RBFOX1: variants seen among roughly 807,000 people sequenced by gnomAD.
The protein encoded by RBFOX1 is RNA binding protein fox-1 homolog 1.
In RBFOX1, 8 loss-of-function variants were observed where a neutral mutation model predicts 57.7. That is an observed-to-expected ratio of 0.14 (90% CI 0.08 to 0.25). The LOEUF is 0.25. RBFOX1 is among the 10% of genes least tolerant of loss of function. The pLI, the probability that RBFOX1 is intolerant of heterozygous loss-of-function variation, is 1.00. For missense variants in RBFOX1, 611 were observed against 548.5 expected (o/e 1.11, Z -1.14); for synonymous variants, 326 against 222.4 (o/e 1.47, Z -4.15).
intron 11 of RBFOX1, among the ~76,000 whole-genome samples, chr16:7,647,362 CT>C (rs1302381713): frequency 6.6e-6 from 1 of 152,136 alleles, no homozygotes; most frequent in Non-Finnish European, 1.5e-5. Flanking sequence ...AGATTTTTCT[CT>C]TTGATTCATG....
chr16:5,654,708 C>T (rs1278288584), intron 3 of RBFOX1, among the ~76,000 whole-genome samples: 3 of 152,172 alleles, frequency 2.0e-5, no homozygotes, highest in South Asian at 2.1e-4. Context: ...GTGGATCCTA[C>T]TGCCTGGTGT....
intron 3 of RBFOX1, among the ~76,000 whole-genome samples, chr16:6,750,204 A>C (rs1026323243): frequency 5.3e-5 from 8 of 152,322 alleles, no homozygotes; most frequent in Admixed American, 3.9e-4. Flanking sequence ...AGCAAAACCT[A>C]TTGAATTGTG....
At chr16:5,856,578 T>TATATGTATATGTAC (rs2057073287) in intron 3 of RBFOX1, among the ~76,000 whole-genome samples, 1 of 56,680 alleles carries the variant, frequency 1.8e-5, no homozygotes, top group African/African-American at 5.0e-5. Context: ...TGTGTGTGTA[T>TATATGTATATGTAC]ATATATATAT....
intron 1 of RBFOX1, among the ~76,000 whole-genome samples, chr16:6,205,854 G>C (rs1479861848): frequency 2.3e-5 from 3 of 129,694 alleles, no homozygotes; most frequent in Non-Finnish European, 4.7e-5. Flanking sequence ...AAGAGCCTAC[G>C]AGATCATACT....
chr16:6,693,995 A>T (rs995166201), intron 3 of RBFOX1, among the ~76,000 whole-genome samples: 1 of 152,244 alleles, frequency 6.6e-6, no homozygotes, highest in Non-Finnish European at 1.5e-5. Flanking sequence ...TATAAAGATT[A>T]CTTTGTTACA....
chr16:6,501,747 G>T (rs1276072911), intron 2 of RBFOX1, among the ~76,000 whole-genome samples: 4 of 152,052 alleles, frequency 2.6e-5, no homozygotes, highest in Non-Finnish European at 5.9e-5. Flanking sequence ...CTGGGTGCCA[G>T]GCACTGCTTT....
intron 14 of RBFOX1, among the ~76,000 whole-genome samples, chr16:7,701,324 G>A (rs903967124): frequency 5.9e-5 from 9 of 151,750 alleles, no homozygotes; most frequent in Admixed American, 2.6e-4. Flanking sequence ...GGTGAGCAAC[G>A]CTTCCTGTTT....
intron 2 of RBFOX1, among the ~76,000 whole-genome samples, chr16:6,550,534 C>G (rs1281848560): frequency 6.6e-6 from 1 of 151,994 alleles, no homozygotes; most frequent in Non-Finnish European, 1.5e-5. Flanking sequence ...TGATGTTGAC[C>G]AAGCTGGTGT....
At chr16:7,709,484 A>T in intron 15 of RBFOX1, 1 of 1,462,226 alleles carries the variant, frequency 6.8e-7, no homozygotes, top group Non-Finnish European at 9.0e-7. Flanking sequence ...CTTGCTGCTC[A>T]TTCACATAGC....
intron 2 of RBFOX1, among the ~76,000 whole-genome samples, chr16:5,558,215 A>G (rs1399445148): frequency 1.3e-5 from 2 of 152,166 alleles, no homozygotes; most frequent in African/African-American, 4.8e-5. Context: ...TGCCCTTGTG[A>G]TAAGGCCGAG....
intron 4 of RBFOX1, among the ~76,000 whole-genome samples, chr16:5,935,296 C>G (rs2059145361): frequency 6.6e-6 from 1 of 152,282 alleles, no homozygotes; most frequent in Admixed American, 6.5e-5. Context: ...GAGTAGGGGG[C>G]AGGCCATGCC....
At chr16:7,418,901 C>A (rs1294238914) in intron 4 of RBFOX1, among the ~76,000 whole-genome samples, 1 of 151,088 alleles carries the variant, frequency 6.6e-6, no homozygotes, top group East Asian at 2.0e-4. Flanking sequence ...GTTGTTGTTT[C>A]TGTTTGTTTT....
At chr16:6,038,142 T>G (rs928398315) in intron 1 of RBFOX1, 1 of 151,730 alleles carries the variant, frequency 6.6e-6, no homozygotes, top group Non-Finnish European at 1.5e-5. Context: ...TATGAATATA[T>G]TGGAAGCAAG....
At chr16:6,137,780 A>T (rs2096678776) in intron 1 of RBFOX1, among the ~76,000 whole-genome samples, 1 of 151,672 alleles carries the variant, frequency 6.6e-6, no homozygotes, top group Middle Eastern at 3.2e-3. Context: ...GCTAATTTTT[A>T]AAATTTTTTG....
At chr16:6,736,983 G>T (rs964663822) in intron 3 of RBFOX1, among the ~76,000 whole-genome samples, 5 of 152,124 alleles carry the variant, frequency 3.3e-5, no homozygotes, top group Admixed American at 1.3e-4. Flanking sequence ...CCCTGTATTC[G>T]CCACTTATCC....
intron 2 of RBFOX1, among the ~76,000 whole-genome samples, chr16:6,348,385 G>GC (rs2085732565): frequency 6.6e-6 from 1 of 152,164 alleles, no homozygotes; most frequent in African/African-American, 2.4e-5. Flanking sequence ...CTTATACAGA[G>GC]ACTTATATGG....
At chr16:6,779,166 GCT>G (rs2079906169) in intron 3 of RBFOX1, among the ~76,000 whole-genome samples, 1 of 151,788 alleles carries the variant, frequency 6.6e-6, no homozygotes, top group Non-Finnish European at 1.5e-5. Flanking sequence ...ACTCCCCCTT[GCT>G]CTCAACTCCC....
At chr16:6,626,739 GAC>G (rs2098313443) in intron 2 of RBFOX1, among the ~76,000 whole-genome samples, 1 of 151,954 alleles carries the variant, frequency 6.6e-6, no homozygotes, top group South Asian at 2.1e-4. Flanking sequence ...CAGCCTGGAT[GAC>G]AGAGTGAGAC....
chr16:6,051,344 T>C (rs2095550013), intron 1 of RBFOX1, among the ~76,000 whole-genome samples: 1 of 152,054 alleles, frequency 6.6e-6, no homozygotes, highest in Non-Finnish European at 1.5e-5. Context: ...TTCCTTTTTT[T>C]TGAGACAGAG....
Sources: gnomAD v4.1 joint callset for allele counts (sites outside exome capture counted in the v4.1 genomes callset) on GRCh38, gnomAD v4.1.1 for gene constraint, MANE v1.5 for transcripts, NCBI Gene and HGNC (gene_info 2026-07-23, HGNC 2026-07-21) for gene names.